The following SLC9A8 variants were observed in gnomAD, a reference collection of about 807,000 sequenced individuals.
SLC9A8 encodes sodium/hydrogen exchanger 8.
Under a neutral mutation model 66.6 loss-of-function variants are expected in SLC9A8, and 48 were observed. The ratio of observed to expected loss-of-function variants is 0.72; its 90% CI spans 0.57 to 0.92. The LOEUF (loss-of-function observed/expected upper bound fraction) is 0.92, where lower values mean the gene tolerates loss of function less well. SLC9A8 is among the 40% of genes least tolerant of loss of function. The pLI is 0.00. For synonymous variants in SLC9A8, 274 were observed against 282.6 expected, an observed-to-expected ratio of 0.97 and a Z score of 0.31; for missense variants, 599 against 747.3, an observed-to-expected ratio of 0.80 and a Z score of 2.31.
rs2089965419 is a variant in SLC9A8 at position 49,888,280 on chromosome 20, G to A, written c.*344G>A. 3.5e-6 allele frequency: 1 copy of A among 283,726 alleles called. No individual in the cohort carries two copies. The highest frequency in any genetic ancestry group is 5.0e-5 in the Admixed American group (1 of 20,176). The allele number at this position is 283,726 out of a possible 1,614,324, so 17.6% of individuals were successfully genotyped here. ...ACCCGGAGGACCCCTGCGGCCCCCT[G>A]CCTAGAGGAGCACCATCTACAGTTG... On this transcript the variant is annotated 3_prime_UTR_variant, in exon 16 of 16. Coordinates refer to ENST00000361573, the MANE Select transcript of SLC9A8 (RefSeq NM_015266.3).
At position 49,889,290 on chromosome 20, in the gene SLC9A8, C is replaced by G. The variant is rs745795639; in HGVS notation, c.*1354C>G. The G allele has an allele frequency of 1.3e-5, 2 of 152,294 alleles. No individual in the cohort carries two copies. The highest frequency in any genetic ancestry group is 2.9e-5 in the Non-Finnish European group (2 of 68,064). 9.4% of individuals were successfully genotyped at this position (152,294 alleles called of 1,614,324 possible). Reference sequence around the variant, plus strand: ...GGTGGTTTAATTCATCATTAAGAAGCATTCCTGCTTCTCAAGGGACACAGT... The same window carrying G: ...GGTGGTTTAATTCATCATTAAGAAGGATTCCTGCTTCTCAAGGGACACAGT... On this transcript the variant is annotated 3_prime_UTR_variant, in exon 16 of 16. Coordinates refer to ENST00000361573, the MANE Select transcript of SLC9A8 (RefSeq NM_015266.3).
intron 3 of SLC9A8, among the ~76,000 whole-genome samples, chr20:49,837,395 C>G (rs143305069): frequency 5.9e-5 from 9 of 152,276 alleles, no homozygotes; most frequent in African/African-American, 1.9e-4. Flanking sequence ...GTCTCAGATA[C>G]TCTGGTTTAC....
intron 4 of SLC9A8, among the ~76,000 whole-genome samples, chr20:49,841,684 G>A (rs1046580342): frequency 6.6e-6 from 1 of 151,690 alleles, no homozygotes; most frequent in Non-Finnish European, 1.5e-5. Flanking sequence ...TCTGCCTCCC[G>A]GGTTCAAGTG....
At chr20:49,864,695 A>G (rs1421583840) in intron 9 of SLC9A8, 44 bp from the exon 10 acceptor site, 1 of 1,395,398 alleles carries the variant, frequency 7.2e-7, no homozygotes, top group Admixed American at 1.7e-5. Context: ...CACATCTCCC[A>G]TCAACTCTCC....
rs986006236 is a variant in SLC9A8, at chr20:49,864,934, A to T, written c.958+90A>T. The T allele has an allele frequency of 4.8e-6, 4 of 829,094 alleles. No individual in the cohort carries two copies. The Admixed American group carries it at 7.2e-5, about 15-fold the overall frequency. 51.4% of individuals were successfully genotyped at this position (829,094 alleles called of 1,614,324 possible). On this transcript the variant is annotated intron_variant, in intron 10 of 15. Transcript: ENST00000361573. ...TTTGTCAGTTGGGTCACTTTTAGTC[A>T]CAAGAGACAGTCACAACTCAGAAGA... is the stretch of plus-strand genomic sequence containing the variant.
intron 4 of SLC9A8, among the ~76,000 whole-genome samples, chr20:49,844,045 C>T (rs1600705150): frequency 6.6e-6 from 1 of 151,570 alleles, no homozygotes; most frequent in East Asian, 2.0e-4. Flanking sequence ...AGGTTCTTAT[C>T]AGATACCCAG....
rs755048998 is a variant in SLC9A8 at position 49,886,715 on chromosome 20, G to A, written c.1492-37G>A. 2.5e-6 allele frequency: 4 copies of A among 1,600,416 alleles called. No homozygotes were observed. In the East Asian group the frequency reaches 6.7e-5, roughly 27 times the overall value. On this transcript the variant is annotated intron_variant, in intron 14 of 15. Transcript: ENST00000361573. This position sits in a 1 kb window ranked among gnomAD's most constrained non-coding sequence, Gnocchi z 4.8. ...CAGGAGGTGCCCCCCGATGGTGCCAGCTGGTGGCCGTCGGGCCGCCTTTCC... is the reference window on the plus strand; with the variant it reads ...CAGGAGGTGCCCCCCGATGGTGCCAACTGGTGGCCGTCGGGCCGCCTTTCC...
intron 8 of SLC9A8, among the ~76,000 whole-genome samples, chr20:49,857,642 T>C (rs1373305723): frequency 1.3e-5 from 2 of 152,186 alleles, no homozygotes; most frequent in Non-Finnish European, 2.9e-5. Flanking sequence ...CGCTTGAACC[T>C]GGGAGACAGA....
rs753433517 is a variant in SLC9A8, at chr20:49,884,183, G to A, written c.1491+117G>A. On this transcript the variant is annotated intron_variant, in intron 14 of 15. Transcript: ENST00000361573. ...TGCTTTCTTGCTTTGAGGATGCCCA[G>A]CACCTCCACACACACGACACACACA... 9.2e-6 allele frequency: 6 copies of A among 651,930 alleles called. No individual in the cohort carries two copies. In the African/African-American group the frequency reaches 9.7e-5, roughly 10 times the overall value. 40.4% of individuals were successfully genotyped at this position (651,930 alleles called of 1,614,324 possible).
intron 3 of SLC9A8, chr20:49,829,644 A>G (rs1335960108): frequency 1.1e-5 from 5 of 453,542 alleles, no homozygotes; most frequent in African/African-American, 8.1e-5. Context: ...AGAGGAAATG[A>G]TAAAGATTCA....
intron 3 of SLC9A8, chr20:49,830,256 A>C (rs1241728935): frequency 4.7e-6 from 5 of 1,068,296 alleles, no homozygotes; most frequent in Non-Finnish European, 7.3e-6. Context: ...CCTTGGTCTC[A>C]TGAGAAGTGG....
intron 5 of SLC9A8, among the ~76,000 whole-genome samples, chr20:49,845,996 G>A (rs752396477): frequency 5.3e-5 from 8 of 152,036 alleles, no homozygotes; most frequent in East Asian, 1.9e-4. Context: ...CACCTTGCCC[G>A]GCTAATTTTT....
At chr20:49,855,868 G>A (rs1166163833) in intron 8 of SLC9A8, among the ~76,000 whole-genome samples, 3 of 152,116 alleles carry the variant, frequency 2.0e-5, no homozygotes, top group African/African-American at 7.2e-5. Context: ...ACAGCTCACT[G>A]CAGCTTCAAC....
intron 3 of SLC9A8, among the ~76,000 whole-genome samples, chr20:49,836,556 A>G (rs1243412737): frequency 6.6e-6 from 1 of 151,940 alleles, no homozygotes; most frequent in African/African-American, 2.4e-5. Context: ...TCTTGAACTG[A>G]CCTCAAGCAG....
intron 3 of SLC9A8, among the ~76,000 whole-genome samples, chr20:49,832,411 T>G (rs1281804865): frequency 1.3e-5 from 2 of 152,094 alleles, no homozygotes. Context: ...GCCCTAGCAT[T>G]TCTCCTTGGA....
Position 49,834,418 on chromosome 20 carries a change from CTGT to C in SLC9A8, c.290-5122_290-5120del, listed in dbSNP as rs1568814118. On this transcript the variant is annotated intron_variant, in intron 3 of 15. Transcript: ENST00000361573. ...TATATATACTGTGTATATATATATA[CTGT>C]ATATATATACTGTATATATATATAT... Among the ~76,000 whole-genome samples the C allele has an allele frequency of 2.7e-4, 9 of 33,134 alleles. 1 individual carries two copies. Among genetic ancestry groups the C allele is most frequent in the Admixed American group, 6.2e-4 (2 of 3,244 alleles). The allele number at this position is 33,134 out of a possible 152,430, so 21.7% of individuals were successfully genotyped here.
At chr20:49,877,926 C>T (rs2089483738) in intron 11 of SLC9A8, 55 bp from the exon 12 acceptor site, 1 of 1,217,988 alleles carries the variant, frequency 8.2e-7, no homozygotes, top group Non-Finnish European at 1.2e-6. Context: ...TAGTTTAGTA[C>T]CATATTGGAA....
intron 5 of SLC9A8, 75 bp from the exon 6 acceptor site, chr20:49,849,504 A>G: frequency 9.1e-7 from 1 of 1,093,636 alleles, no homozygotes; most frequent in Non-Finnish European, 1.4e-6. Context: ...ACGGAGGGCC[A>G]GGTGTGCAGG....
At chr20:49,834,388 G>A (rs6125785) in intron 3 of SLC9A8, among the ~76,000 whole-genome samples, 32,860 of 58,012 alleles carry the variant, frequency 0.57, 9,062 homozygotes, top group East Asian at 0.77. Flanking sequence ...TATATACTGT[G>A]TATATATATA....
Sources: allele counts gnomAD v4.1 joint callset (sites outside exome capture counted in the v4.1 genomes callset), GRCh38; gene constraint gnomAD v4.1.1; non-coding constraint Gnocchi (gnomAD v3.1); transcripts MANE v1.5; gene names NCBI Gene and HGNC (gene_info 2026-07-23, HGNC 2026-07-21).